The following TOX variants were observed in gnomAD, a reference collection of about 807,000 sequenced individuals.
TOX encodes the protein thymocyte selection-associated high mobility group box protein TOX.
A neutral mutation model predicts 53.7 loss-of-function variants in TOX; 11 were observed. The observed-to-expected ratio is 0.20, with a 90% CI of 0.13 to 0.34. The LOEUF is 0.34. TOX is among the 10% of genes least tolerant of loss of function. TOX has a pLI of 1.00. For synonymous variants in TOX, 225 were observed against 245.3 expected, an observed-to-expected ratio of 0.92 and a Z score of 0.77; for missense variants, 570 against 664.6, an observed-to-expected ratio of 0.86 and a Z score of 1.56.
intron 1 of TOX, among the ~76,000 whole-genome samples, chr8:59,060,380 C>T (rs1453406011): frequency 6.6e-6 from 1 of 152,218 alleles, no homozygotes; most frequent in African/African-American, 2.4e-5. Flanking sequence ...GTAATCCTGG[C>T]ACTTTGGGAG....
chr8:59,019,568 A>G (rs767815683), intron 1 of TOX, among the ~76,000 whole-genome samples: 5 of 152,212 alleles, frequency 3.3e-5, no homozygotes, highest in Non-Finnish European at 7.4e-5. Context: ...CTAGCCAAAA[A>G]TGAAATTTAA....
chr8:58,876,191 G>T (rs911758715), intron 3 of TOX, among the ~76,000 whole-genome samples: 1 of 151,852 alleles, frequency 6.6e-6, no homozygotes, highest in African/African-American at 2.4e-5. Context: ...GACAGATGAT[G>T]TATTAAGGGG....
chr8:59,081,078 G>T (rs1804397692), intron 1 of TOX, among the ~76,000 whole-genome samples: 1 of 152,196 alleles, frequency 6.6e-6, no homozygotes, highest in Admixed American at 6.5e-5. Context: ...CCAGGCTGGA[G>T]TGCAGTGGTG....
rs1805164052 is a variant in TOX at position 59,119,057 on chromosome 8, T to C, written c.-70A>G. ...AAAAAAGTGTTCAGCAAAACAAGCTTAGACGGAACAGAGTGAGGTGTCTGG... is the reference window on the plus strand; with the variant it reads ...AAAAAAGTGTTCAGCAAAACAAGCTCAGACGGAACAGAGTGAGGTGTCTGG... On this transcript the variant is annotated 5_prime_UTR_variant, in exon 1 of 9. Transcript: ENST00000361421. The C allele has an allele frequency of 9.3e-7, 1 of 1,074,186 alleles. No individual in the cohort carries two copies. Among genetic ancestry groups the C allele is most frequent in the African/African-American group, 1.6e-5 (1 of 61,632 alleles). 66.5% of individuals were successfully genotyped at this position (1,074,186 alleles called of 1,614,324 possible). A position where few individuals can be genotyped will look rare whatever the true frequency, so the allele number is the denominator to read the frequency against.
chr8:59,007,210 G>A lies in TOX; in HGVS notation c.103-47202C>T, dbSNP rs1160584477. On this transcript the variant is annotated intron_variant, in intron 1 of 8. Coordinates refer to ENST00000361421, the MANE Select transcript of TOX (RefSeq NM_014729.3). The stretch of plus-strand genomic sequence containing the variant: ...TCACCACAGCTCTGCTGGAAAATAA[G>A]GGGCTGTCATCTTTTTTTTTTTCTT... 2.5e-5 allele frequency among the ~76,000 whole-genome samples: 3 copies of A among 121,288 alleles called. No individual in the cohort carries two copies. The East Asian group carries it at 7.1e-4, about 29-fold the overall frequency. 79.6% of individuals were successfully genotyped at this position (121,288 alleles called of 152,430 possible). A position where few individuals can be genotyped will look rare whatever the true frequency, so the allele number is the denominator to read the frequency against.
At chr8:59,060,330 G>A (rs1331897244) in intron 1 of TOX, among the ~76,000 whole-genome samples, 8 of 152,092 alleles carry the variant, frequency 5.3e-5, no homozygotes, top group Non-Finnish European at 1.2e-4. Flanking sequence ...TAGTGTGCTG[G>A]CTATTAATAT....
intron 1 of TOX, among the ~76,000 whole-genome samples, chr8:59,008,590 C>G (rs947050245): frequency 6.6e-6 from 1 of 152,176 alleles, no homozygotes; most frequent in Non-Finnish European, 1.5e-5. Context: ...CACCTCCCCC[C>G]CATGACTCCC....
At chr8:58,985,824 T>G (rs1182609216) in intron 1 of TOX, among the ~76,000 whole-genome samples, 1 of 152,116 alleles carries the variant, frequency 6.6e-6, no homozygotes, top group Non-Finnish European at 1.5e-5. Context: ...CCTAATGTCT[T>G]ATGAAATGAT....
chr8:58,973,655 G>T (rs1439565015), intron 1 of TOX, among the ~76,000 whole-genome samples: 2 of 152,142 alleles, frequency 1.3e-5, no homozygotes, highest in Non-Finnish European at 2.9e-5. Flanking sequence ...AAGGTTATTA[G>T]CATTTCCTTG....
intron 3 of TOX, among the ~76,000 whole-genome samples, chr8:58,926,029 T>C (rs1353088714): frequency 1.3e-5 from 2 of 152,220 alleles, no homozygotes; most frequent in East Asian, 3.8e-4. Flanking sequence ...CTGGAGACTT[T>C]ATGCAGTCAG....
At chr8:58,878,985 C>T (rs1461915042) in intron 3 of TOX, among the ~76,000 whole-genome samples, 8 of 149,682 alleles carry the variant, frequency 5.3e-5, no homozygotes, top group African/African-American at 1.5e-4. Flanking sequence ...CGCTTGAACC[C>T]GGGAGGCAGA....
chr8:58,857,733 T>G (rs929801154), intron 3 of TOX, among the ~76,000 whole-genome samples: 3 of 152,168 alleles, frequency 2.0e-5, no homozygotes, highest in Admixed American at 6.5e-5. Flanking sequence ...AGCTACATAT[T>G]TCAGCATATG....
At chr8:58,808,580 G>A (rs1011067930) in intron 7 of TOX, among the ~76,000 whole-genome samples, 3 of 152,202 alleles carry the variant, frequency 2.0e-5, no homozygotes, top group African/African-American at 4.8e-5. Flanking sequence ...AAAGGGAGAA[G>A]AGGGCCTAAA....
intron 3 of TOX, among the ~76,000 whole-genome samples, chr8:58,894,507 A>G (rs1266110027): frequency 6.6e-6 from 1 of 152,226 alleles, no homozygotes; most frequent in African/African-American, 2.4e-5. Context: ...TAGTTTTGAT[A>G]TAATGATGTA....
intron 3 of TOX, among the ~76,000 whole-genome samples, chr8:58,924,994 C>G (rs1216023274): frequency 1.3e-5 from 2 of 152,184 alleles, no homozygotes; most frequent in African/African-American, 2.4e-5. Flanking sequence ...CACTGCAGCG[C>G]TCCCTACTTT....
chr8:58,963,606 C>T (rs1812839670), intron 1 of TOX, among the ~76,000 whole-genome samples: 1 of 152,202 alleles, frequency 6.6e-6, no homozygotes, highest in South Asian at 2.1e-4. Flanking sequence ...TTCCTGTGTT[C>T]CAGTTCATCC....
At chr8:59,092,483 G>A (rs1340558604) in intron 1 of TOX, among the ~76,000 whole-genome samples, 3 of 149,928 alleles carry the variant, frequency 2.0e-5, no homozygotes, top group East Asian at 2.0e-4. Context: ...TTCACTGTAC[G>A]GAAGCCAGAG....
At chr8:58,844,944 T>C (rs1262906161) in intron 4 of TOX, among the ~76,000 whole-genome samples, 1 of 152,148 alleles carries the variant, frequency 6.6e-6, no homozygotes, top group Non-Finnish European at 1.5e-5. Context: ...ACCCCTGTCA[T>C]GTCTTATTGG....
chr8:59,076,203 T>C lies in TOX; in HGVS notation c.102+42683A>G, dbSNP rs943512482. On this transcript the variant is annotated intron_variant, in intron 1 of 8. Coordinates refer to ENST00000361421, the MANE Select transcript of TOX (RefSeq NM_014729.3). ...GCTGGAGGAATTCAGTGGATACCCC[T>C]GAGACGGTAAGATAGGGTTGAAGTG... Among the ~76,000 whole-genome samples, 8 of 152,284 alleles carry C rather than the reference T, an allele frequency of 5.3e-5. No homozygotes were observed. In the East Asian group the frequency reaches 1.4e-3, roughly 26 times the overall value.
Sources: gnomAD v4.1 joint callset for allele counts (sites outside exome capture counted in the v4.1 genomes callset) on GRCh38, gnomAD v4.1.1 for gene constraint, MANE v1.5 for transcripts, NCBI Gene and HGNC (gene_info 2026-07-23, HGNC 2026-07-21) for gene names.